AMMECR1: variants seen among roughly 807,000 people sequenced by gnomAD.
AMMECR1 encodes AMMECR nuclear protein 1.
AMMECR1 carries 3 observed loss-of-function variants against 22.5 expected under a neutral mutation model. That is an observed-to-expected ratio of 0.13 (90% confidence interval 0.06 to 0.35). AMMECR1 has a LOEUF of 0.35. AMMECR1 is among the 10% of genes least tolerant of loss of function. The probability of loss-of-function intolerance (pLI) is 1.00; values close to 1 mark genes in which losing one functional copy is unlikely to be tolerated. For synonymous variants in AMMECR1, 130 were observed against 116.7 expected (o/e 1.11, Z -0.74); for missense variants, 235 against 278.7 (o/e 0.84, Z 1.12).
chrX:110,349,485 G>T (rs1477184019), intron 2 of AMMECR1, among the ~76,000 whole-genome samples: 1 of 111,387 alleles, frequency 9.0e-6, no homozygotes, highest in Non-Finnish European at 1.9e-5. Context: ...GGGCCTCAAC[G>T]TATGAATTTT....
At chrX:110,422,947 G>T (rs1212664739) in intron 2 of AMMECR1, among the ~76,000 whole-genome samples, 1 of 112,291 alleles carries the variant, frequency 8.9e-6, no homozygotes, top group Non-Finnish European at 1.9e-5. Context: ...GAGGGGCAAA[G>T]AACAGAAAGA....
intron 1 of AMMECR1, among the ~76,000 whole-genome samples, chrX:110,315,069 T>C (rs1349699780): frequency 9.0e-6 from 1 of 110,933 alleles, no homozygotes; most frequent in Admixed American, 9.5e-5. Context: ...ATAATAACTA[T>C]GAGAAAAAAA....
chrX:110,226,657 T>C (rs2067535231), intron 2 of AMMECR1, among the ~76,000 whole-genome samples: 1 of 111,511 alleles, frequency 9.0e-6, no homozygotes, highest in African/African-American at 3.3e-5. Flanking sequence ...AGCTGACATA[T>C]GAAATTAGGA....
chrX:110,398,100 C>T (rs1357796208), intron 2 of AMMECR1, among the ~76,000 whole-genome samples: 1 of 111,879 alleles, frequency 8.9e-6, no homozygotes, highest in Non-Finnish European at 1.9e-5. Context: ...AAAGGCAGGC[C>T]GGCCATTTTG....
intron 1 of AMMECR1, among the ~76,000 whole-genome samples, chrX:110,300,131 T>G (rs2067958406): frequency 8.9e-6 from 1 of 112,431 alleles, no homozygotes; most frequent in South Asian, 3.6e-4. Context: ...GCTATGCCAA[T>G]TTACATTCCA....
intron 2 of AMMECR1, among the ~76,000 whole-genome samples, chrX:110,249,673 G>A (rs1385450666): frequency 8.9e-6 from 1 of 111,986 alleles, no homozygotes; most frequent in Non-Finnish European, 1.9e-5. Context: ...AGGCCAAGGT[G>A]GGCAGATCAC....
At chrX:110,324,648 GTTT>G (rs771995443) in intron 2 of AMMECR1, among the ~76,000 whole-genome samples, 1 of 84,488 alleles carries the variant, frequency 1.2e-5, no homozygotes. Flanking sequence ...TTTGTTGAGT[GTTT>G]TTTTTTTTTT....
At chrX:110,290,128 C>A (rs1280939309) in intron 1 of AMMECR1, among the ~76,000 whole-genome samples, 1 of 111,683 alleles carries the variant, frequency 9.0e-6, no homozygotes, top group Non-Finnish European at 1.9e-5. Flanking sequence ...TTATTTACAG[C>A]AAATAATCAA....
intron 2 of AMMECR1, among the ~76,000 whole-genome samples, chrX:110,227,829 T>C (rs1368191938): frequency 8.9e-6 from 1 of 112,225 alleles, no homozygotes; most frequent in Non-Finnish European, 1.9e-5. Flanking sequence ...GTACAGGTTT[T>C]AATGTTCTAT....
At chrX:110,318,385 C>G (rs1003082747), upstream of AMMECR1, 1 of 111,280 alleles carries the variant, frequency 9.0e-6, no homozygotes, top group Admixed American at 9.5e-5. Context: ...GACAGGAAGC[C>G]GATTAGAAAG....
At chrX:110,262,619 T>C (rs937399488) in intron 2 of AMMECR1, among the ~76,000 whole-genome samples, 2 of 112,281 alleles carry the variant, frequency 1.8e-5, no homozygotes, top group African/African-American at 3.2e-5. Context: ...CTTGCCAACA[T>C]TGGCAAAAGA....
chrX:110,226,022 A>AT (rs777467663), intron 2 of AMMECR1, among the ~76,000 whole-genome samples: 12 of 111,755 alleles, frequency 1.1e-4, no homozygotes, highest in East Asian at 8.4e-4. Context: ...ACTTTCTAAT[A>AT]TTTTTATCTC....
chrX:110,301,192 C>A (rs984417221), intron 1 of AMMECR1, among the ~76,000 whole-genome samples: 3 of 112,484 alleles, frequency 2.7e-5, no homozygotes, highest in Non-Finnish European at 3.8e-5. Context: ...TATTCCCTGT[C>A]ATGTGTGTCC....
At chrX:110,314,884 G>A (rs2068040889) in intron 1 of AMMECR1, among the ~76,000 whole-genome samples, 1 of 111,502 alleles carries the variant, frequency 9.0e-6, no homozygotes, top group Non-Finnish European at 1.9e-5. Flanking sequence ...CTAACTGATG[G>A]ATCTACAGCT....
chrX:110,240,407 G>T (rs865874554), intron 2 of AMMECR1, among the ~76,000 whole-genome samples: 1 of 91,663 alleles, frequency 1.1e-5, no homozygotes, highest in Admixed American at 1.2e-4. Flanking sequence ...CAAAAACGGG[G>T]GGGGGAGGGT....
chrX:110,339,635 T>G (rs1424493306), intron 2 of AMMECR1, among the ~76,000 whole-genome samples: 1 of 110,185 alleles, frequency 9.1e-6, no homozygotes, highest in Non-Finnish European at 1.9e-5. Flanking sequence ...TAGCTGGGAT[T>G]GCAGGCATGC....
At chrX:110,432,060 C>A (rs1285807737) in intron 1 of AMMECR1, among the ~76,000 whole-genome samples, 1 of 111,847 alleles carries the variant, frequency 8.9e-6, no homozygotes, top group Non-Finnish European at 1.9e-5. Context: ...TTCAACATTT[C>A]TTGAGCTTTA....
At chrX:110,256,145 C>T (rs1043830056) in intron 2 of AMMECR1, among the ~76,000 whole-genome samples, 6 of 111,704 alleles carry the variant, frequency 5.4e-5, no homozygotes, top group African/African-American at 1.9e-4. Flanking sequence ...CGTACCTAGG[C>T]TATATGATAT....
intron 1 of AMMECR1, among the ~76,000 whole-genome samples, chrX:110,430,369 A>G (rs1197043677): frequency 8.9e-6 from 1 of 112,554 alleles, no homozygotes; most frequent in Non-Finnish European, 1.9e-5. Context: ...CTTTGTGTGT[A>G]TTAACTCATT....
Sources: allele counts gnomAD v4.1 joint callset (sites outside exome capture counted in the v4.1 genomes callset), GRCh38; gene constraint gnomAD v4.1.1; transcripts MANE v1.5; gene names NCBI Gene and HGNC (gene_info 2026-07-23, HGNC 2026-07-21).